SLC25A26: variants seen among roughly 807,000 people sequenced by gnomAD.
SLC25A26 encodes mitochondrial S-adenosylmethionine carrier protein.
A neutral mutation model predicts 37.8 loss-of-function variants in SLC25A26; 36 were observed. The ratio of observed to expected loss-of-function variants is 0.95; its 90% CI spans 0.73 to 1.26. The LOEUF is 1.26. Among genes scored for constraint, SLC25A26 ranks in the 50% most tolerant of loss-of-function variants. SLC25A26 has a pLI of 0.00. For synonymous variants in SLC25A26, 129 were observed against 122.5 expected (o/e 1.05, Z -0.35); for missense variants, 390 against 331.1 (o/e 1.18, Z -1.38).
chr3:66,279,008 G>A (rs574122790), intron 5 of SLC25A26, among the ~76,000 whole-genome samples: 1 of 152,104 alleles, frequency 6.6e-6, no homozygotes, highest in East Asian at 1.9e-4. Flanking sequence ...TTTTTTGTGT[G>A]TGGGACTTAC....
intron 1 of SLC25A26, among the ~76,000 whole-genome samples, chr3:66,212,262 C>T (rs1057111240): frequency 6.6e-6 from 1 of 152,008 alleles, no homozygotes; most frequent in African/African-American, 2.4e-5. Context: ...CAGGTGCACA[C>T]CACCATGCCT....
chr3:66,160,203 T>C (rs1326747703), intron 1 of SLC25A26, among the ~76,000 whole-genome samples: 6 of 152,062 alleles, frequency 3.9e-5, no homozygotes, highest in Admixed American at 2.6e-4. Context: ...TTGGACAGGC[T>C]GGTCTCGAGC....
chr3:66,307,932 C>T (rs776334719), intron 5 of SLC25A26, among the ~76,000 whole-genome samples: 51 of 152,164 alleles, frequency 3.4e-4, no homozygotes, highest in Non-Finnish European at 5.7e-4. Context: ...AGTCAGGTAG[C>T]ATGATGCCTC....
chr3:66,208,622 G>T (rs976898435), intron 1 of SLC25A26, among the ~76,000 whole-genome samples: 11 of 108,712 alleles, frequency 1.0e-4, no homozygotes, highest in East Asian at 2.4e-4. Flanking sequence ...AAAGTATATA[G>T]ATATATATAT....
At chr3:66,151,546 T>C (rs1460834321) in intron 1 of SLC25A26, among the ~76,000 whole-genome samples, 1 of 152,254 alleles carries the variant, frequency 6.6e-6, no homozygotes, top group South Asian at 2.1e-4. Flanking sequence ...GCCACCCCTT[T>C]AAGCTCATCA....
intron 3 of SLC25A26, among the ~76,000 whole-genome samples, chr3:66,257,578 C>T (rs551846877): frequency 2.0e-5 from 3 of 152,276 alleles, no homozygotes; most frequent in African/African-American, 4.8e-5. Flanking sequence ...GAGTCATGGG[C>T]TCGGGCCTCT....
intron 1 of SLC25A26, among the ~76,000 whole-genome samples, chr3:66,227,928 CTT>C (rs1302543774): frequency 3.3e-5 from 5 of 151,118 alleles, no homozygotes; most frequent in Non-Finnish European, 7.4e-5. Flanking sequence ...TGTTTTGCCT[CTT>C]ATCTTTTCTG....
chr3:66,335,666 T>G (rs1461531229), intron 5 of SLC25A26, among the ~76,000 whole-genome samples: 1 of 152,184 alleles, frequency 6.6e-6, no homozygotes, highest in Admixed American at 6.5e-5. Flanking sequence ...AGTGTCCTGT[T>G]AGGTGAGATG....
At chr3:66,278,403 T>C (rs1368060763) in intron 5 of SLC25A26, among the ~76,000 whole-genome samples, 3 of 152,172 alleles carry the variant, frequency 2.0e-5, no homozygotes, top group African/African-American at 7.2e-5. Context: ...TGCCCATCCC[T>C]CTCCATTCTG....
At chr3:66,138,663 T>G in intron 1 of SLC25A26, among the ~76,000 whole-genome samples, 1 of 150,292 alleles carries the variant, frequency 6.7e-6, no homozygotes, top group African/African-American at 2.5e-5. Context: ...GGTAGGGATG[T>G]ATTGGGGTAG....
chr3:66,271,720 A>G (rs970806921), intron 5 of SLC25A26, among the ~76,000 whole-genome samples: 17 of 152,044 alleles, frequency 1.1e-4, no homozygotes, highest in Middle Eastern at 3.2e-3. Context: ...CCTTCCAGCT[A>G]AAGTTTCATC....
chr3:66,305,964 A>G (rs1468726327), intron 5 of SLC25A26, among the ~76,000 whole-genome samples: 3 of 151,896 alleles, frequency 2.0e-5, no homozygotes, highest in Non-Finnish European at 4.4e-5. Context: ...GCCAGCATCT[A>G]TTGTTTCTTT....
At chr3:66,187,446 T>C (rs1284897748) in intron 1 of SLC25A26, among the ~76,000 whole-genome samples, 2 of 152,108 alleles carry the variant, frequency 1.3e-5, no homozygotes, top group East Asian at 3.9e-4. Context: ...TCACCCTGCA[T>C]ATGACCCACA....
intron 1 of SLC25A26, among the ~76,000 whole-genome samples, chr3:66,166,107 T>C (rs994431800): frequency 1.3e-5 from 2 of 152,214 alleles, no homozygotes; most frequent in African/African-American, 4.8e-5. Context: ...TGCTCTCAAA[T>C]CTCTATCAAA....
chr3:66,219,114 A>G (rs2071404742), upstream of SLC25A26, among the ~76,000 whole-genome samples: 1 of 152,216 alleles, frequency 6.6e-6, no homozygotes, highest in Admixed American at 6.5e-5. Flanking sequence ...AAACTGTGGG[A>G]GTGCCATTGG....
chr3:66,294,130 C>G (rs562849258), intron 5 of SLC25A26, among the ~76,000 whole-genome samples: 1 of 152,162 alleles, frequency 6.6e-6, no homozygotes, highest in Non-Finnish European at 1.5e-5. Flanking sequence ...TGGCCGTTTT[C>G]ACAATATTGA....
chr3:66,267,400 C>T (rs1468393717), intron 5 of SLC25A26, among the ~76,000 whole-genome samples: 2 of 152,082 alleles, frequency 1.3e-5, no homozygotes, highest in Non-Finnish European at 2.9e-5. Context: ...CAAGAGAGCA[C>T]GAAGTGGGGT....
intron 1 of SLC25A26, among the ~76,000 whole-genome samples, chr3:66,147,201 T>A (rs757538199): frequency 3.3e-4 from 50 of 149,312 alleles, no homozygotes; most frequent in Non-Finnish European, 5.6e-4. Context: ...TCTTGCTCTG[T>A]CTCCCAGGCT....
In SLC25A26 at chr3:66,221,101, C is replaced by T. The variant is rs1553658161; in HGVS notation, c.7C>T (p.Arg3Trp). ...TGACGAGGTCTGAGCGACCATGGAC[C>T]GGCCGGGGTTCGTGGCAGCGCTGGT... is the stretch of plus-strand genomic sequence containing the variant. Reference protein sequence around the residue: MDRPGFVAALVAG... With the variant: MDWPGFVAALVAG... The change falls in exon 1 of 10, where the codon CGG becomes TGG. Residue 3 changes from arginine to tryptophan, a missense_variant. Transcript: ENST00000354883. The T allele has an allele frequency of 1.3e-6, 2 of 1,532,768 alleles. No homozygotes were observed. Among genetic ancestry groups the T allele is most frequent in the Non-Finnish European group, 8.7e-7 (1 of 1,144,816 alleles). 94.9% of individuals were successfully genotyped at this position (1,532,768 alleles called of 1,614,324 possible).
Sources: gnomAD v4.1 joint callset for allele counts (sites outside exome capture counted in the v4.1 genomes callset) on GRCh38, gnomAD v4.1.1 for gene constraint, MANE v1.5 for transcripts, NCBI Gene and HGNC (gene_info 2026-07-23, HGNC 2026-07-21) for gene names.